PALM2AKAP2: variants seen among roughly 807,000 people sequenced by gnomAD.
The protein encoded by PALM2AKAP2 is PALM2-AKAP2 fusion protein.
Under a neutral mutation model 71.5 loss-of-function variants are expected in PALM2AKAP2, and 37 were observed. That is an observed-to-expected ratio of 0.52 (90% CI 0.40 to 0.68). The LOEUF is 0.68. PALM2AKAP2 is among the 30% of genes least tolerant of loss of function. PALM2AKAP2 has a pLI of 0.00. For missense variants in PALM2AKAP2, 1,224 were observed against 1,191.8 expected (o/e 1.03, Z -0.40); for synonymous variants, 468 against 478.8 (o/e 0.98, Z 0.29).
At chr9:109,813,963 A>C (rs116500004) in intron 1 of PALM2AKAP2, among the ~76,000 whole-genome samples, 86 of 152,292 alleles carry the variant, frequency 5.6e-4, no homozygotes, top group African/African-American at 2.0e-3. Context: ...GCTGGTTCGC[A>C]TGTGCTCTTT....
At chr9:109,697,512 A>T (rs1246660198) in intron 1 of PALM2AKAP2, among the ~76,000 whole-genome samples, 1 of 152,196 alleles carries the variant, frequency 6.6e-6, no homozygotes, top group Non-Finnish European at 1.5e-5. Flanking sequence ...AACAGTGGTA[A>T]AAAAGCATTA....
At chr9:110,125,234 C>T (rs962289482) in intron 1 of PALM2AKAP2, among the ~76,000 whole-genome samples, 4 of 152,088 alleles carry the variant, frequency 2.6e-5, no homozygotes, top group Admixed American at 2.0e-4. Flanking sequence ...TCTGAATTGC[C>T]GAGAAGACAG....
At chr9:109,931,467 A>C (rs975096219) in intron 5 of PALM2AKAP2, among the ~76,000 whole-genome samples, 1 of 152,248 alleles carries the variant, frequency 6.6e-6, no homozygotes, top group Non-Finnish European at 1.5e-5. Context: ...CTATATTGCC[A>C]GTTCAGGGAA....
chr9:109,994,007 A>T (rs1198824433), intron 6 of PALM2AKAP2, among the ~76,000 whole-genome samples: 3 of 151,948 alleles, frequency 2.0e-5, no homozygotes, highest in Non-Finnish European at 4.4e-5. Context: ...CCAATTCAGT[A>T]TTATAAATAC....
At chr9:110,081,064 G>A (rs1239967084) in intron 1 of PALM2AKAP2, among the ~76,000 whole-genome samples, 1 of 152,190 alleles carries the variant, frequency 6.6e-6, no homozygotes, top group Non-Finnish European at 1.5e-5. Flanking sequence ...ACAATATTTT[G>A]AATCCTTCCG....
Position 110,115,960 on chromosome 9 carries a change from A to G in PALM2AKAP2, c.157-20167A>G, listed in dbSNP as rs138542427. On this transcript the variant is annotated intron_variant, in intron 1 of 3. Coordinates refer to ENST00000374525, the Ensembl canonical transcript of PALM2AKAP2. ...TTCTTTCTCCTCTGGCATTGTGAACATTGTCTTGGAGAAGTGAAGGTTTGC... is the reference window on the plus strand; with the variant it reads ...TTCTTTCTCCTCTGGCATTGTGAACGTTGTCTTGGAGAAGTGAAGGTTTGC... Among the ~76,000 whole-genome samples, 86 of 152,258 alleles carry G rather than the reference A, an allele frequency of 5.6e-4. No homozygotes were observed. The East Asian group carries it at 8.7e-3, about 15-fold the overall frequency.
Position 109,942,808 on chromosome 9 carries a change from G to T in PALM2AKAP2, c.496+10780G>T, listed in dbSNP as rs147524083. 44 of 1,613,998 alleles carry T rather than the reference G, an allele frequency of 2.7e-5. No individual in the cohort carries two copies. In the African/African-American group the frequency reaches 5.6e-4, roughly 21 times the overall value. The stretch of plus-strand genomic sequence containing the variant: ...GAAAGGAGTCAAAGTCTATGATGAT[G>T]GTACCAAAGTAGTGTATGAGGTGCG... On this transcript the variant is annotated intron_variant, in intron 6 of 9. Coordinates refer to the PALM2AKAP2 transcript ENST00000302798.
intron 1 of PALM2AKAP2, among the ~76,000 whole-genome samples, chr9:109,648,082 C>T (rs892806508): frequency 2.6e-5 from 4 of 152,170 alleles, no homozygotes; most frequent in Admixed American, 6.5e-5. Flanking sequence ...AGTGAATTCT[C>T]ACAAGATCTG....
intron 1 of PALM2AKAP2, among the ~76,000 whole-genome samples, chr9:109,785,833 A>G (rs1826946600): frequency 6.6e-6 from 1 of 152,224 alleles, no homozygotes; most frequent in Admixed American, 6.5e-5. Context: ...CAGCCTTGGA[A>G]GGGTGCTTTG....
chr9:109,737,638 G>C (rs1440010721), intron 1 of PALM2AKAP2, among the ~76,000 whole-genome samples: 2 of 152,222 alleles, frequency 1.3e-5, no homozygotes, highest in Non-Finnish European at 1.5e-5. Context: ...TTTTAGCTAG[G>C]TGCATCTACT....
At chr9:109,771,531 T>C (rs187459523) in intron 1 of PALM2AKAP2, among the ~76,000 whole-genome samples, 20 of 152,204 alleles carry the variant, frequency 1.3e-4, no homozygotes, top group African/African-American at 4.8e-4. Flanking sequence ...CCTAGAAATC[T>C]CCCTTCCCCC....
intron 1 of PALM2AKAP2, among the ~76,000 whole-genome samples, chr9:109,691,183 A>ACG (rs1827878172): frequency 6.6e-6 from 1 of 151,530 alleles, no homozygotes; most frequent in South Asian, 2.1e-4. Context: ...TTACACACAC[A>ACG]CACACACACA....
intron 1 of PALM2AKAP2, among the ~76,000 whole-genome samples, chr9:109,736,766 C>T (rs189483240): frequency 4.4e-3 from 668 of 152,184 alleles, no homozygotes; most frequent in Middle Eastern, 6.8e-3. Context: ...TCCACTCTCC[C>T]GCCATCCCAC....
intron 7 of PALM2AKAP2, among the ~76,000 whole-genome samples, chr9:110,041,930 A>G (rs1043214404): frequency 2.0e-5 from 3 of 152,206 alleles, no homozygotes; most frequent in African/African-American, 4.8e-5. Context: ...GCTACTCCCA[A>G]TGTAAGCCAA....
At chr9:109,726,667 T>G (rs1828482209) in intron 1 of PALM2AKAP2, among the ~76,000 whole-genome samples, 1 of 152,246 alleles carries the variant, frequency 6.6e-6, no homozygotes, top group African/African-American at 2.4e-5. Context: ...AAATCTGATT[T>G]CAACACCCAT....
chr9:109,968,724 G>A (rs1832004046), intron 6 of PALM2AKAP2, among the ~76,000 whole-genome samples: 2 of 152,160 alleles, frequency 1.3e-5, no homozygotes, highest in African/African-American at 4.8e-5. Flanking sequence ...GAAGCCCTAA[G>A]GAGTCCAGCC....
At chr9:109,664,244 G>C (rs1827443445) in intron 1 of PALM2AKAP2, among the ~76,000 whole-genome samples, 1 of 152,110 alleles carries the variant, frequency 6.6e-6, no homozygotes, top group Admixed American at 6.6e-5. Flanking sequence ...ATATTTGCTG[G>C]TTATTTTGCC....
At chr9:109,940,608 A>G (rs915796737) in intron 6 of PALM2AKAP2, among the ~76,000 whole-genome samples, 1 of 152,152 alleles carries the variant, frequency 6.6e-6, no homozygotes, top group African/African-American at 2.4e-5. Context: ...AGAAAGAGGT[A>G]GGGACTCAAG....
rs556132508 is a variant in PALM2AKAP2 at position 109,971,230 on chromosome 9, CT to C, written c.496+39203del. ...AGTAAATATCAGTGAATGAATCCAT[CT>C]CCTTATCCAATGCTGAACTTCAGGC... is the stretch of plus-strand genomic sequence containing the variant. On this transcript the variant is annotated intron_variant, in intron 6 of 9. Transcript: ENST00000302798. 7.4e-5 allele frequency among the ~76,000 whole-genome samples: 11 copies of C among 147,686 alleles called. No homozygotes were observed. In the South Asian group the frequency reaches 2.4e-3, roughly 32 times the overall value.
Sources: allele counts gnomAD v4.1 joint callset (sites outside exome capture counted in the v4.1 genomes callset), GRCh38; gene constraint gnomAD v4.1.1; transcripts MANE v1.5; gene names NCBI Gene and HGNC (gene_info 2026-07-23, HGNC 2026-07-21).